Variants in ABCC1 observed in about 807,000 individuals in gnomAD.
ABCC1 encodes ATP binding cassette subfamily C member 1 (ABCC1 blood group).
Under a neutral mutation model 172.9 loss-of-function variants are expected in ABCC1, and 83 were observed. That is an observed-to-expected ratio of 0.48 (90% confidence interval 0.40 to 0.58). The LOEUF (loss-of-function observed/expected upper bound fraction) is 0.58, where lower values mean the gene tolerates loss of function less well. ABCC1 is among the 20% of genes least tolerant of loss of function. The pLI, the probability that ABCC1 is intolerant of heterozygous loss-of-function variation, is 0.00. For synonymous variants in ABCC1, 937 were observed against 825.2 expected, an observed-to-expected ratio of 1.14 and a Z score of -2.32; for missense variants, 1,817 against 2,002.7, an observed-to-expected ratio of 0.91 and a Z score of 1.77.
At chr16:16,002,034 C>T (rs1017311580) in intron 1 of ABCC1, among the ~76,000 whole-genome samples, 12 of 152,190 alleles carry the variant, frequency 7.9e-5, no homozygotes, top group African/African-American at 2.9e-4. Flanking sequence ...GTGATCTTAT[C>T]AACACTCTTG....
chr16:16,044,753 A>G, intron 8 of ABCC1, 73 bp downstream of exon 8: 1 of 1,384,058 alleles, frequency 7.2e-7, no homozygotes, highest in Non-Finnish European at 1.0e-6. Context: ...CATCAGTCAT[A>G]ACCCTGGGGT....
chr16:16,103,171 A>G (rs1170752263), intron 20 of ABCC1, among the ~76,000 whole-genome samples: 1 of 152,096 alleles, frequency 6.6e-6, no homozygotes, highest in Non-Finnish European at 1.5e-5. Context: ...GTAACATAGC[A>G]AGACCTCATC....
intron 16 of ABCC1, among the ~76,000 whole-genome samples, chr16:16,082,529 G>A (rs893894747): frequency 1.3e-5 from 2 of 150,916 alleles, no homozygotes; most frequent in African/African-American, 4.9e-5. Flanking sequence ...TGTGATACCT[G>A]ACATATGGAA....
In ABCC1 at chr16:16,009,908, A is replaced by T; in HGVS notation, c.351+7A>T. 1 of 1,594,466 alleles carries T rather than the reference A, an allele frequency of 6.3e-7. No homozygotes were observed. The highest frequency in any genetic ancestry group is 8.5e-7 in the Non-Finnish European group (1 of 1,170,742). On this transcript the variant is annotated splice_region_variant and intron_variant, in intron 3 of 30. Transcript: ENST00000399410. Reference sequence around the variant, plus strand: ...TCTCTTGGGCATCACCATGGTAAGTAGGAGCTGGCTGTGACCCCTGGGCCA... The same window carrying T: ...TCTCTTGGGCATCACCATGGTAAGTTGGAGCTGGCTGTGACCCCTGGGCCA...
Position 16,010,037 on chromosome 16 carries a change from C to CTTTTTTTTTTTTTTTT in ABCC1, c.351+144_351+159dup, listed in dbSNP as rs71388789. 1.3e-3 allele frequency: 144 copies of CTTTTTTTTTTTTTTTT among 108,154 alleles called. 33 individuals carry two copies. Among genetic ancestry groups the CTTTTTTTTTTTTTTTT allele is most frequent in the African/African-American group, 7.0e-3 (123 of 17,500 alleles). The allele number at this position is 108,154 out of a possible 1,614,324, so 6.7% of individuals were successfully genotyped here. On this transcript the variant is annotated intron_variant, in intron 3 of 30. Transcript: ENST00000399410. ...AGCTGGGATATAAATTAAATGTAGC[C>CTTTTTTTTTTTTTTTT]TTTTTTTTTTTTTTTTTTTTTTTAA...
At chr16:16,080,297 G>A (rs1404740608) in intron 16 of ABCC1, among the ~76,000 whole-genome samples, 1 of 151,986 alleles carries the variant, frequency 6.6e-6, no homozygotes, top group Non-Finnish European at 1.5e-5. Flanking sequence ...ATGTTTATGT[G>A]GTTGGAATAT....
intron 1 of ABCC1, among the ~76,000 whole-genome samples, chr16:15,979,594 A>G (rs923225366): frequency 5.3e-5 from 8 of 152,116 alleles, no homozygotes; most frequent in Admixed American, 5.2e-4. Context: ...TAGTACATTC[A>G]GAATTGTGCA....
intron 14 of ABCC1, among the ~76,000 whole-genome samples, chr16:16,074,248 G>T (rs991116262): frequency 2.0e-5 from 3 of 152,140 alleles, no homozygotes; most frequent in Non-Finnish European, 2.9e-5. Context: ...TCCAGACATT[G>T]CCAGATGTGC....
At position 16,043,294 on chromosome 16, in the gene ABCC1, C is replaced by CT. The variant is rs976155699; in HGVS notation, c.810-1148dup. On this transcript the variant is annotated intron_variant, in intron 7 of 30. Transcript: ENST00000399410. ...TTTACCTGTCTTGATGATTGTTGTT[C>CT]TTTTTTTTGTTTTGTTTTTTTCTTT... Among the ~76,000 whole-genome samples the CT allele has an allele frequency of 9.5e-5, 6 of 63,332 alleles. 1 individual carries two copies. The East Asian group carries it at 1.5e-3, about 16-fold the overall frequency. The allele number at this position is 63,332 out of a possible 152,430, so 41.5% of individuals were successfully genotyped here.
At chr16:15,994,724 C>T (rs1457047409) in intron 1 of ABCC1, among the ~76,000 whole-genome samples, 2 of 152,048 alleles carry the variant, frequency 1.3e-5, no homozygotes, top group Non-Finnish European at 2.9e-5. Context: ...GGTTTCAGGC[C>T]TACCCCCTGC....
chr16:15,973,745 G>C (rs2046421562), intron 1 of ABCC1, among the ~76,000 whole-genome samples: 2 of 151,970 alleles, frequency 1.3e-5, no homozygotes, highest in African/African-American at 2.4e-5. Context: ...GGAGGCCAAG[G>C]CTGGAGAATG....
intron 20 of ABCC1, among the ~76,000 whole-genome samples, chr16:16,105,184 A>G (rs1414412012): frequency 6.6e-6 from 1 of 152,226 alleles, no homozygotes; most frequent in Non-Finnish European, 1.5e-5. Flanking sequence ...GCACGCTGTC[A>G]CTTCTCAATC....
intron 17 of ABCC1, 124 bp downstream of exon 17, chr16:16,083,666 G>A (rs557351269): frequency 6.7e-5 from 86 of 1,283,826 alleles, no homozygotes; most frequent in East Asian, 1.9e-4. Context: ...TCAGCTGGGC[G>A]GCTCTGCTGC....
At chr16:16,075,169 T>G (rs957142884) in intron 14 of ABCC1, among the ~76,000 whole-genome samples, 1 of 152,024 alleles carries the variant, frequency 6.6e-6, no homozygotes, top group Non-Finnish European at 1.5e-5. Context: ...GGTCTCGAAC[T>G]CCTGACATCA....
At chr16:16,074,033 T>C (rs1353683188) in intron 14 of ABCC1, among the ~76,000 whole-genome samples, 2 of 152,202 alleles carry the variant, frequency 1.3e-5, no homozygotes, top group Admixed American at 6.5e-5. Context: ...TTGTCACTTC[T>C]CTGGTCTGAG....
chr16:16,015,167 G>T (rs1475249084), intron 4 of ABCC1, among the ~76,000 whole-genome samples: 1 of 149,430 alleles, frequency 6.7e-6, no homozygotes, highest in South Asian at 2.1e-4. Flanking sequence ...TTGAGGCGGA[G>T]TCTCGCTCTG....
intron 12 of ABCC1, among the ~76,000 whole-genome samples, chr16:16,059,813 C>A (rs549098634): frequency 4.8e-4 from 72 of 150,998 alleles, no homozygotes; most frequent in African/African-American, 1.7e-3. Flanking sequence ...TGCTGCTGCC[C>A]CCCCACCCCC....
intron 1 of ABCC1, among the ~76,000 whole-genome samples, chr16:15,986,781 A>G (rs2046754869): frequency 6.6e-6 from 1 of 152,184 alleles, no homozygotes. Context: ...TTTACGGGCT[A>G]TTCTGTGTAC....
intron 20 of ABCC1, among the ~76,000 whole-genome samples, chr16:16,104,399 G>T (rs8052419): frequency 3.9e-5 from 6 of 151,952 alleles, no homozygotes; most frequent in African/African-American, 1.2e-4. Context: ...AGCTAGATAC[G>T]TAAGTTCCCC....
Sources: allele counts gnomAD v4.1 joint callset (sites outside exome capture counted in the v4.1 genomes callset), GRCh38; gene constraint gnomAD v4.1.1; transcripts MANE v1.5; gene names NCBI Gene and HGNC (gene_info 2026-07-23, HGNC 2026-07-21).